EIF1AX: variants seen among roughly 807,000 people sequenced by gnomAD.
The protein encoded by EIF1AX is eukaryotic translation initiation factor 1A X-linked.
In EIF1AX, 1 loss-of-function variant was observed where a neutral mutation model predicts 16.1. The ratio of observed to expected loss-of-function variants is 0.06; its 90% confidence interval spans 0.02 to 0.30. The LOEUF (loss-of-function observed/expected upper bound fraction) is 0.30. EIF1AX is among the 10% of genes least tolerant of loss of function. The pLI is 1.00. For synonymous variants in EIF1AX, 32 were observed against 37.3 expected, an observed-to-expected ratio of 0.86 and a Z score of 0.51; for missense variants, 11 against 109.1, an observed-to-expected ratio of 0.10 and a Z score of 4.00.
At chrX:20,133,376 T>C (rs2067006501) in intron 4 of EIF1AX, among the ~76,000 whole-genome samples, 1 of 111,338 alleles carries the variant, frequency 9.0e-6, no homozygotes, top group Non-Finnish European at 1.9e-5. Context: ...TACTACATGC[T>C]AGCAGCACTG....
At chrX:20,138,779 C>T (rs2067025417) in intron 1 of EIF1AX, among the ~76,000 whole-genome samples, 157 bp from the exon 2 acceptor site, 1 of 111,751 alleles carries the variant, frequency 8.9e-6, no homozygotes, top group Non-Finnish European at 1.9e-5. Context: ...ATTAAATTTA[C>T]AATCTCCAAT....
Position 20,141,806 on chromosome X carries a change from C to T in EIF1AX, c.-166G>A. 2.1e-6 allele frequency: 1 copy of T among 470,729 alleles called. No individual in the cohort carries two copies. Among genetic ancestry groups the T allele is most frequent in the South Asian group, 4.6e-5 (1 of 21,730 alleles). The allele number at this position is 470,729 out of a possible 1,213,427, so 38.8% of individuals were successfully genotyped here. ...CTGGCGACCCAGCTCTTCAGAGATC[C>T]GCCTGCGTCCACGCTCGGCGGCAGC... On this transcript the variant is annotated 5_prime_UTR_variant, in exon 1 of 7. Transcript: ENST00000379607.
chrX:20,137,994 G>GTTTT (rs72040979), intron 2 of EIF1AX, among the ~76,000 whole-genome samples: 6 of 36,762 alleles, frequency 1.6e-4, no homozygotes, highest in African/African-American at 4.8e-4. Context: ...TCTCTATACA[G>GTTTT]TTTTTTTTTT....
intron 6 of EIF1AX, among the ~76,000 whole-genome samples, chrX:20,130,100 G>A (rs752957360): frequency 4.2e-4 from 46 of 109,764 alleles, no homozygotes; most frequent in Non-Finnish European, 7.4e-4. Context: ...TCAGGAGTTC[G>A]AGACCAGCCT....
At chrX:20,130,902 T>C in intron 5 of EIF1AX, among the ~76,000 whole-genome samples, 1 of 111,604 alleles carries the variant, frequency 9.0e-6, no homozygotes, top group Middle Eastern at 4.7e-3. Context: ...TCCTTAAGAA[T>C]AGCTGGTTCA....
chrX:20,139,157 G>C (rs2067026516), intron 1 of EIF1AX, among the ~76,000 whole-genome samples: 1 of 111,860 alleles, frequency 8.9e-6, no homozygotes, highest in South Asian at 3.7e-4. Flanking sequence ...GCTCAGGTGG[G>C]AGGATCACTT....
In EIF1AX at chrX:20,125,458, C is replaced by A. The variant is rs967654285; in HGVS notation, c.*2848G>T. ...TCCAAAGAGTATAAATAAAACTTACCCTTACGAAGTAGAATAAAGATAAGC... is the reference window on the plus strand; with the variant it reads ...TCCAAAGAGTATAAATAAAACTTACACTTACGAAGTAGAATAAAGATAAGC... On this transcript the variant is annotated 3_prime_UTR_variant, in exon 7 of 7. Coordinates refer to ENST00000379607, the MANE Select transcript of EIF1AX (RefSeq NM_001412.4). 3 of 169,687 alleles carry A rather than the reference C, an allele frequency of 1.8e-5. No homozygotes were observed. Among genetic ancestry groups the A allele is most frequent in the African/African-American group, 8.9e-5 (3 of 33,644 alleles). The allele number at this position is 169,687 out of a possible 1,213,427, so 14.0% of individuals were successfully genotyped here.
At chrX:20,139,890 C>G (rs1440154023) in intron 1 of EIF1AX, 1 of 112,109 alleles carries the variant, frequency 8.9e-6, no homozygotes, top group Non-Finnish European at 1.9e-5. Flanking sequence ...CCAGGTATAT[C>G]ATGTTAGCTG....
At chrX:20,139,464 G>A (rs999045494) in intron 1 of EIF1AX, among the ~76,000 whole-genome samples, 2 of 111,821 alleles carry the variant, frequency 1.8e-5, no homozygotes, top group African/African-American at 6.5e-5. Context: ...GCTTCAGTGA[G>A]TAAATCAGTT....
chrX:20,141,447 G>A (rs1207428796), intron 1 of EIF1AX, among the ~76,000 whole-genome samples, 178 bp downstream of exon 1: 1 of 111,749 alleles, frequency 8.9e-6, no homozygotes, highest in Non-Finnish European at 1.9e-5. Context: ...CTGGGCAACA[G>A]GAGTTAACTT....
chrX:20,128,263 G>C lies in EIF1AX; in HGVS notation c.*43C>G. 1 of 1,161,099 alleles carries C rather than the reference G, an allele frequency of 8.6e-7. No individual in the cohort carries two copies. The highest frequency in any genetic ancestry group is 1.2e-6 in the Non-Finnish European group (1 of 857,060). On this transcript the variant is annotated 3_prime_UTR_variant, in exon 7 of 7. Transcript: ENST00000379607. ...GTCATGATCAAAATCCAAATTGTAG[G>C]ACAATCTTCAGAAAAGATGGAATGT...
intron 2 of EIF1AX, chrX:20,136,231 G>GCACA (rs758772869): frequency 6.5e-6 from 2 of 308,358 alleles, no homozygotes; most frequent in African/African-American, 5.5e-5. Flanking sequence ...ACGTGTGCGT[G>GCACA]CACACACACA....
chrX:20,135,863 G>A, intron 2 of EIF1AX, 22 bp from the exon 3 acceptor site: 1 of 1,095,727 alleles, frequency 9.1e-7, no homozygotes, highest in African/African-American at 1.8e-5. Context: ...AAAGGAAAAG[G>A]GTATGGAATA....
rs192862903 is a variant in EIF1AX, at chrX:20,137,425, G to A, written c.100+1114C>T. 4.5e-3 allele frequency among the ~76,000 whole-genome samples: 493 copies of A among 110,085 alleles called. 4 individuals are homozygous for A. The highest frequency in any genetic ancestry group is 5.3e-3 in the Non-Finnish European group (279 of 52,873). ...CGCGCCACTGCACTCCAGCCTGGGCGACAGAGCGAGACTCCATCTCAAAAA... is the reference window on the plus strand; with the variant it reads ...CGCGCCACTGCACTCCAGCCTGGGCAACAGAGCGAGACTCCATCTCAAAAA... On this transcript the variant is annotated intron_variant, in intron 2 of 6. Transcript: ENST00000379607.
rs5955886 is a variant in EIF1AX, at chrX:20,135,846, C to T, written c.101-5G>A. 2,365 of 1,172,190 alleles carry T rather than the reference C, an allele frequency of 2.0e-3. 27 individuals carry two copies. In the African/African-American group the frequency reaches 0.034, roughly 17 times the overall value. Reference sequence around the variant, plus strand: ...TTTTGATTACCTGAGCATACTCTAGCGGGGAGAAAGGAAAAGGGTATGGAA... The same window carrying T: ...TTTTGATTACCTGAGCATACTCTAGTGGGGAGAAAGGAAAAGGGTATGGAA... On this transcript the variant is annotated splice_polypyrimidine_tract_variant and splice_region_variant and intron_variant, in intron 2 of 6. Coordinates refer to ENST00000379607, the MANE Select transcript of EIF1AX (RefSeq NM_001412.4).
rs1040816795 is a variant in EIF1AX at position 20,136,444 on chromosome X, T to C, written c.101-603A>G. Reference sequence around the variant, plus strand: ...TGCCATTTCTATAATATACTGTCTCTGCTATTAGACATGTTTAAATTATCG... The same window carrying C: ...TGCCATTTCTATAATATACTGTCTCCGCTATTAGACATGTTTAAATTATCG... On this transcript the variant is annotated intron_variant, in intron 2 of 6. Transcript: ENST00000379607. 2 of 209,127 alleles carry C rather than the reference T, an allele frequency of 9.6e-6. 1 individual carries two copies. Among genetic ancestry groups the C allele is most frequent in the Admixed American group, 9.0e-5 (2 of 22,260 alleles). The allele number at this position is 209,127 out of a possible 1,213,427, so 17.2% of individuals were successfully genotyped here.
chrX:20,133,651 C>T lies in EIF1AX; in HGVS notation c.255+306G>A, dbSNP rs2067007497. On this transcript the variant is annotated intron_variant, in intron 4 of 6. Coordinates refer to ENST00000379607, the MANE Select transcript of EIF1AX (RefSeq NM_001412.4). The stretch of plus-strand genomic sequence containing the variant: ...TCTACAGAGTCAAGGGTTACCATCA[C>T]GAAAGGCAACCACCACTTTCTTTCT... Among the ~76,000 whole-genome samples, 3 of 111,051 alleles carry T rather than the reference C, an allele frequency of 2.7e-5. No homozygotes were observed. In the Admixed American group the frequency reaches 2.9e-4, roughly 11 times the overall value.
chrX:20,129,157 T>C (rs756968768), intron 6 of EIF1AX, among the ~76,000 whole-genome samples: 1 of 112,124 alleles, frequency 8.9e-6, no homozygotes, highest in African/African-American at 3.2e-5. Context: ...TCTCACTTCC[T>C]ATTTTTGTGT....
At chrX:20,139,952 A>G (rs1309565553) in intron 1 of EIF1AX, 2 of 112,684 alleles carry the variant, frequency 1.8e-5, no homozygotes, top group Non-Finnish European at 3.7e-5. Context: ...TTACTTGTCA[A>G]TTTACCAGAA....
Sources: gnomAD v4.1 joint callset for allele counts (sites outside exome capture counted in the v4.1 genomes callset) on GRCh38, gnomAD v4.1.1 for gene constraint, MANE v1.5 for transcripts, NCBI Gene and HGNC (gene_info 2026-07-23, HGNC 2026-07-21) for gene names.